The following FBXO40 variants were observed in gnomAD, a reference collection of about 807,000 sequenced individuals.
FBXO40 encodes the protein F-box only protein 40.
A neutral mutation model predicts 49.9 loss-of-function variants in FBXO40; 50 were observed. That is an observed-to-expected ratio of 1.00 (90% CI 0.80 to 1.27). The LOEUF (loss-of-function observed/expected upper bound fraction) is 1.27. Among genes scored for constraint, FBXO40 ranks in the 50% most tolerant of loss-of-function variants. FBXO40 has a pLI of 0.00. For missense variants in FBXO40, 895 were observed against 870.1 expected, an observed-to-expected ratio of 1.03 and a Z score of -0.36; for synonymous variants, 340 against 320.2, an observed-to-expected ratio of 1.06 and a Z score of -0.66.
In FBXO40 at chr3:121,621,981, T is replaced by C; in HGVS notation, c.552T>C (p.Gly184=). 1 of 1,614,140 alleles carries C rather than the reference T, an allele frequency of 6.2e-7. No individual in the cohort carries two copies. Among genetic ancestry groups the C allele is most frequent in the Non-Finnish European group, 8.5e-7 (1 of 1,180,018 alleles). The change falls in exon 3 of 4, where the codon GGT becomes GGC. Residue 184 remains glycine (G), a synonymous_variant. Transcript: ENST00000338040. ...GGVDIGLVPH[G]LSATNGEMAE... is the part of the protein sequence containing the mutation. The stretch of plus-strand genomic sequence containing the variant: ...TGGATATCGGTTTGGTACCACATGG[T>C]CTGTCAGCAACTAATGGGGAGATGG...
At chr3:121,613,009 T>C (rs540591969) in intron 1 of FBXO40, among the ~76,000 whole-genome samples, 1 of 149,686 alleles carries the variant, frequency 6.7e-6, no homozygotes, top group East Asian at 2.0e-4. Flanking sequence ...GGCGGAGCTT[T>C]CAGTGAGCCG....
Position 121,623,003 on chromosome 3 carries a change from T to G in FBXO40, c.1574T>G (p.Phe525Cys). ...YLGCTFVQNH[F>C]RPPGQKAKVI... is the part of the protein sequence containing the mutation. ...GGATGTACATTTGTTCAAAACCATT[T>G]CCGTCCCCCAGGGCAAAAGGCAAAA... is the stretch of plus-strand genomic sequence containing the variant. The change falls in exon 3 of 4, where the codon TTC (phenylalanine) becomes TGC (cysteine). Residue 525 changes from phenylalanine (F) to cysteine (C), a missense_variant. Coordinates refer to ENST00000338040, the MANE Select transcript of FBXO40 (RefSeq NM_016298.4). The G allele has an allele frequency of 6.2e-7, 1 of 1,614,182 alleles. No homozygotes were observed. The highest frequency in any genetic ancestry group is 1.1e-5 in the South Asian group (1 of 91,074).
At chr3:121,599,991 G>A (rs2048894100) in intron 1 of FBXO40, among the ~76,000 whole-genome samples, 1 of 150,708 alleles carries the variant, frequency 6.6e-6, no homozygotes, top group South Asian at 2.1e-4. Flanking sequence ...CCAAAGTGGT[G>A]GGATTACAGG....
intron 1 of FBXO40, among the ~76,000 whole-genome samples, chr3:121,612,095 T>C (rs2048969322): frequency 6.6e-6 from 1 of 152,228 alleles, no homozygotes; most frequent in Non-Finnish European, 1.5e-5. Context: ...CTCTTTCTTT[T>C]CCCTACAATA....
chr3:121,627,069 G>T lies in FBXO40; in HGVS notation c.*159G>T. 6.3e-6 allele frequency: 4 copies of T among 636,414 alleles called. No individual in the cohort carries two copies. Among genetic ancestry groups the T allele is most frequent in the Non-Finnish European group, 1.1e-5 (4 of 365,128 alleles). 39.4% of individuals were successfully genotyped at this position (636,414 alleles called of 1,614,324 possible). A position where few individuals can be genotyped will look rare whatever the true frequency, so the allele number is the denominator to read the frequency against. ...ATGTCCTTCGAAACCTCAACACGAG[G>T]CCTAAGAATTTCCTAAGCCATGTCT... On this transcript the variant is annotated 3_prime_UTR_variant, in exon 4 of 4. Transcript: ENST00000338040.
intron 1 of FBXO40, among the ~76,000 whole-genome samples, chr3:121,606,382 A>G (rs2048932169): frequency 6.6e-6 from 1 of 152,214 alleles, no homozygotes; most frequent in Non-Finnish European, 1.5e-5. Flanking sequence ...CTAACTGTGA[A>G]TCCCTTGCAG....
chr3:121,610,004 C>T (rs1449439575), intron 1 of FBXO40, among the ~76,000 whole-genome samples: 3 of 152,234 alleles, frequency 2.0e-5, no homozygotes, highest in African/African-American at 4.8e-5. Flanking sequence ...GGGCTGGTGT[C>T]ACTCTTAGGT....
chr3:121,626,541 G>A (rs2049062058), intron 3 of FBXO40, among the ~76,000 whole-genome samples, 154 bp from the exon 4 acceptor site: 1 of 152,140 alleles, frequency 6.6e-6, no homozygotes, highest in Non-Finnish European at 1.5e-5. Flanking sequence ...TTGGATGCTG[G>A]AGGAGGGGCT....
chr3:121,604,174 A>G (rs557691988), intron 1 of FBXO40, among the ~76,000 whole-genome samples: 6 of 152,278 alleles, frequency 3.9e-5, no homozygotes, highest in African/African-American at 1.4e-4. Flanking sequence ...CATTGATGTT[A>G]ACTCTGCCTA....
At chr3:121,598,373 T>G (rs901339795) in intron 1 of FBXO40, among the ~76,000 whole-genome samples, 1 of 152,230 alleles carries the variant, frequency 6.6e-6, no homozygotes, top group African/African-American at 2.4e-5. Context: ...CCTAGTTTTG[T>G]AAATTGTGAA....
chr3:121,605,255 G>C (rs1443269929), intron 1 of FBXO40, among the ~76,000 whole-genome samples: 1 of 152,142 alleles, frequency 6.6e-6, no homozygotes, highest in Non-Finnish European at 1.5e-5. Flanking sequence ...TTTTTAAATA[G>C]TCTTTGTCCA....
At chr3:121,621,287 G>A (rs2049028091) in intron 2 of FBXO40, 146 bp from the exon 3 acceptor site, 1 of 641,456 alleles carries the variant, frequency 1.6e-6, no homozygotes, top group Admixed American at 3.0e-5. Context: ...CTGGATTGTG[G>A]GATTGTGATA....
chr3:121,607,828 T>C (rs1560128653), intron 1 of FBXO40, among the ~76,000 whole-genome samples: 1 of 152,204 alleles, frequency 6.6e-6, no homozygotes, highest in Non-Finnish European at 1.5e-5. Flanking sequence ...CATAGAGCTT[T>C]CAGGCTGAAG....
At chr3:121,626,287 C>A (rs2049061258) in intron 3 of FBXO40, among the ~76,000 whole-genome samples, 1 of 152,152 alleles carries the variant, frequency 6.6e-6, no homozygotes, top group Non-Finnish European at 1.5e-5. Context: ...AGGACTTCAG[C>A]TTTGCAGTTC....
Position 121,623,194 on chromosome 3 carries a change from G to C in FBXO40, c.1765G>C (p.Asp589His). The stretch of plus-strand genomic sequence containing the variant: ...TTTGAAGTACATTGCTGGGTTCTTG[G>C]ACAGCGTCAGCCTGGCCCAGCTCTC... Reference protein sequence around the residue: ...EILKYIAGFLDSVSLAQLSQV... With the variant: ...EILKYIAGFLHSVSLAQLSQV... Residue 589 changes from aspartate to histidine, a missense_variant, in exon 3 of 4, where the codon GAC becomes CAC. Asp to His is a moderately conservative substitution (Grantham distance 81, BLOSUM62 -1). Transcript: ENST00000338040. 1 of 1,614,174 alleles carries C rather than the reference G, an allele frequency of 6.2e-7. No homozygotes were observed. Among genetic ancestry groups the C allele is most frequent in the Non-Finnish European group, 8.5e-7 (1 of 1,180,038 alleles).
chr3:121,610,052 G>C (rs1314006628), intron 1 of FBXO40, among the ~76,000 whole-genome samples: 1 of 152,218 alleles, frequency 6.6e-6, no homozygotes, highest in Non-Finnish European at 1.5e-5. Context: ...CGATTCTTGG[G>C]AACACAGGGC....
At chr3:121,611,450 T>C (rs1403565310) in intron 1 of FBXO40, among the ~76,000 whole-genome samples, 4 of 152,216 alleles carry the variant, frequency 2.6e-5, no homozygotes, top group Admixed American at 2.0e-4. Context: ...TTTATGTTTC[T>C]CTCCACCCAA....
chr3:121,597,421 A>T (rs537248180), intron 1 of FBXO40, among the ~76,000 whole-genome samples: 69 of 152,260 alleles, frequency 4.5e-4, no homozygotes, highest in Admixed American at 4.3e-3. Context: ...AATAATTTTT[A>T]AAAAATAGAA....
In FBXO40 at chr3:121,622,725, C is replaced by A. The variant is rs775019825; in HGVS notation, c.1296C>A (p.Asn432Lys). 2.5e-6 allele frequency: 4 copies of A among 1,614,198 alleles called. No individual in the cohort carries two copies. Among genetic ancestry groups the A allele is most frequent in the Non-Finnish European group, 2.5e-6 (3 of 1,180,042 alleles). ...LFMDFATQTY[N>K]FEPEQFSSGT... ...TGGATTTTGCCACACAAACATACAA[C>A]TTTGAGCCAGAACAGTTTTCCTCTG... The change falls in exon 3 of 4, where the codon AAC becomes AAA. Residue 432 changes from asparagine (N) to lysine (K), a missense_variant. Physicochemically the swap from Asn to Lys is moderately conservative, Grantham distance 94. Coordinates refer to ENST00000338040, the MANE Select transcript of FBXO40 (RefSeq NM_016298.4).
Sources: allele counts gnomAD v4.1 joint callset (sites outside exome capture counted in the v4.1 genomes callset), GRCh38; gene constraint gnomAD v4.1.1; transcripts MANE v1.5; gene names NCBI Gene and HGNC (gene_info 2026-07-23, HGNC 2026-07-21).